Variants in SLC2A7 observed in about 807,000 individuals in gnomAD.
The protein encoded by SLC2A7 is solute carrier family 2 member 7.
Under a neutral mutation model 50.5 loss-of-function variants are expected in SLC2A7, and 50 were observed. That is an observed-to-expected ratio of 0.99 (90% CI 0.79 to 1.25). The LOEUF (loss-of-function observed/expected upper bound fraction) is 1.25. Among genes scored for constraint, SLC2A7 ranks in the 50% most tolerant of loss-of-function variants. The pLI is 0.00. For synonymous variants in SLC2A7, 308 were observed against 300.4 expected (o/e 1.03, Z -0.26); for missense variants, 683 against 679.1 (o/e 1.01, Z -0.06).
the SLC2A7 span, among the ~76,000 whole-genome samples, chr1:8,995,410 T>G: frequency 1.7e-4 from 25 of 149,782 alleles, no homozygotes; most frequent in African/African-American, 4.9e-5. Flanking sequence ...ATCGCGCCAC[T>G]GCACTCCAGC....
At chr1:9,009,960 G>C (rs182494705) in intron 9 of SLC2A7, among the ~76,000 whole-genome samples, 183 bp downstream of exon 9, 1 of 152,228 alleles carries the variant, frequency 6.6e-6, no homozygotes, top group Non-Finnish European at 1.5e-5. Context: ...GCAGGTGTAG[G>C]TAAATGAAGC....
At chr1:9,013,458 C>T in intron 8 of SLC2A7, 67 bp downstream of exon 8, 1 of 1,398,212 alleles carries the variant, frequency 7.2e-7, no homozygotes, top group Non-Finnish European at 1.0e-6. Context: ...CTCTGTGGGG[C>T]TCCTGTCTGC....
chr1:8,993,277 C>T, the SLC2A7 span, among the ~76,000 whole-genome samples: 1 of 152,188 alleles, frequency 6.6e-6, no homozygotes, highest in African/African-American at 2.4e-5. Flanking sequence ...GATTCAATTA[C>T]CTCCACCAGG....
intron 9 of SLC2A7, 25 bp downstream of exon 9, chr1:9,010,118 C>A: frequency 6.5e-7 from 1 of 1,549,678 alleles, no homozygotes; most frequent in Non-Finnish European, 8.7e-7. Flanking sequence ...ACTCCCCACC[C>A]AGGGGGCAGG....
the SLC2A7 span, among the ~76,000 whole-genome samples, chr1:8,994,711 T>C: frequency 1.3e-5 from 2 of 152,168 alleles, no homozygotes; most frequent in South Asian, 4.1e-4. Context: ...AAGGTCATGA[T>C]GACTGTGGCC....
At chr1:9,009,675 C>T (rs968551208) in intron 9 of SLC2A7, among the ~76,000 whole-genome samples, 2 of 152,172 alleles carry the variant, frequency 1.3e-5, no homozygotes, top group Admixed American at 6.5e-5. Context: ...TCAGACTGGT[C>T]TTGAGCTCCT....
At chr1:9,022,844 G>A in intron 3 of SLC2A7, 74 bp downstream of exon 3, 1 of 1,561,938 alleles carries the variant, frequency 6.4e-7, no homozygotes, top group Non-Finnish European at 8.7e-7. Context: ...CTCCCCACCA[G>A]GTGCACAAAT....
chr1:9,013,025 A>T (rs915635363), intron 8 of SLC2A7, among the ~76,000 whole-genome samples: 1 of 152,062 alleles, frequency 6.6e-6, no homozygotes, highest in African/African-American at 2.4e-5. Context: ...CAAGTAGCTG[A>T]CATTACAGGT....
intron 3 of SLC2A7, 148 bp downstream of exon 3, chr1:9,022,770 G>A (rs1640930524): frequency 9.5e-7 from 1 of 1,057,564 alleles, no homozygotes; most frequent in Non-Finnish European, 1.4e-6. Flanking sequence ...CTGGTTTAAG[G>A]TCATGATGAC....
At chr1:9,006,004 A>G (rs1237579770) in intron 10 of SLC2A7, among the ~76,000 whole-genome samples, 5 of 152,018 alleles carry the variant, frequency 3.3e-5, no homozygotes, top group African/African-American at 9.7e-5. Context: ...CCACCACAAC[A>G]ACAGCAGCCA....
intron 9 of SLC2A7, 44 bp downstream of exon 9, chr1:9,010,099 C>A (rs1212464412): frequency 3.3e-6 from 5 of 1,522,202 alleles, no homozygotes; most frequent in South Asian, 1.2e-5. Flanking sequence ...ACCTCCCACC[C>A]TCCCCATGAC....
At chr1:9,026,187 A>T (rs1362769393) in intron 1 of SLC2A7, 108 bp downstream of exon 1, 1 of 1,233,530 alleles carries the variant, frequency 8.1e-7, no homozygotes, top group African/African-American at 1.5e-5. Context: ...AAAAGGAAGC[A>T]CGCTACCCGC....
chr1:8,998,383 C>T (rs558547841), downstream of SLC2A7, among the ~76,000 whole-genome samples: 4 of 152,112 alleles, frequency 2.6e-5, no homozygotes, highest in Admixed American at 2.0e-4. Flanking sequence ...CTAGCCTGGG[C>T]GACAGAGCAA....
downstream of SLC2A7, among the ~76,000 whole-genome samples, chr1:9,000,924 C>A (rs2124229340): frequency 6.6e-6 from 1 of 152,144 alleles, no homozygotes; most frequent in South Asian, 2.1e-4. Flanking sequence ...TGCTCCTGGG[C>A]CTCCGAGTCT....
chr1:9,020,127 G>A (rs1045158009), intron 3 of SLC2A7, among the ~76,000 whole-genome samples: 3 of 152,170 alleles, frequency 2.0e-5, no homozygotes, highest in African/African-American at 7.2e-5. Flanking sequence ...GGAAGAAGGG[G>A]CGAATGGGCA....
the SLC2A7 span, among the ~76,000 whole-genome samples, chr1:8,996,587 AG>A: frequency 6.6e-6 from 1 of 152,200 alleles, no homozygotes; most frequent in African/African-American, 2.4e-5. Flanking sequence ...TTAACTGTTT[AG>A]CAGGCTGGCA....
intron 4 of SLC2A7, 88 bp downstream of exon 4, chr1:9,019,121 C>T: frequency 6.6e-7 from 1 of 1,511,732 alleles, no homozygotes; most frequent in Non-Finnish European, 8.9e-7. Context: ...GAGGCAGAGC[C>T]AGGCAGACAC....
rs774099582 is a variant in SLC2A7 at position 9,007,924 on chromosome 1, T to C, written c.1117-539A>G. On this transcript the variant is annotated intron_variant, in intron 9 of 11. Coordinates refer to ENST00000400906, the MANE Select transcript of SLC2A7 (RefSeq NM_207420.3). ...TTATATGATTGTTTCAGTTCCACAA[T>C]TGTGGAAGCAGAGCACAGAGGGCCC... Among the ~76,000 whole-genome samples the C allele has an allele frequency of 6.6e-5, 10 of 151,806 alleles. No homozygotes were observed. The South Asian group carries it at 8.3e-4, about 13-fold the overall frequency.
chr1:9,000,185 G>A (rs6666882), downstream of SLC2A7, among the ~76,000 whole-genome samples: 34,277 of 152,044 alleles, frequency 0.23, 4,099 homozygotes, highest in Non-Finnish European at 0.26. Context: ...GGCCAGGTGC[G>A]GGGGCTGACT....
Sources: gnomAD v4.1 joint callset for allele counts (sites outside exome capture counted in the v4.1 genomes callset) on GRCh38, gnomAD v4.1.1 for gene constraint, MANE v1.5 for transcripts, NCBI Gene and HGNC (gene_info 2026-07-23, HGNC 2026-07-21) for gene names.